The following BRD4 variants were observed in gnomAD, a reference collection of about 807,000 sequenced individuals.
BRD4 encodes the protein bromodomain containing 4.
A neutral mutation model predicts 142.1 loss-of-function variants in BRD4; 16 were observed. The ratio of observed to expected loss-of-function variants is 0.11; its 90% CI spans 0.08 to 0.17. The LOEUF (loss-of-function observed/expected upper bound fraction) is 0.17, where lower values mean the gene tolerates loss of function less well. Among genes scored for constraint, BRD4 ranks in the 10% least tolerant of loss-of-function variants. BRD4 has a pLI of 1.00. For synonymous variants in BRD4, 833 were observed against 707.5 expected (o/e 1.18, Z -2.82); for missense variants, 1,424 against 1,810.9 (o/e 0.79, Z 3.88).
chr19:15,245,617 CCA>C (rs1244676680), intron 11 of BRD4, among the ~76,000 whole-genome samples: 2 of 151,970 alleles, frequency 1.3e-5, no homozygotes, highest in Admixed American at 6.5e-5. Flanking sequence ...TGTCCTCACC[CCA>C]GAGATTTACA....
At chr19:15,331,992 ACCCGCGCCCCG>A (rs1243564225) in intron 1 of BRD4, 2 of 25,722 alleles carry the variant, frequency 7.8e-5, no homozygotes, top group East Asian at 2.3e-3. Context: ...CGCGCCCCCC[ACCCGCGCCCCG>A]CCGGCCAGCC....
At position 15,239,515 on chromosome 19, in the gene BRD4, T is replaced by A; in HGVS notation, c.3453A>T (p.Glu1151Asp). 1 of 1,612,352 alleles carries A rather than the reference T, an allele frequency of 6.2e-7. No individual in the cohort carries two copies. Among genetic ancestry groups the A allele is most frequent in the South Asian group, 1.1e-5 (1 of 91,014 alleles). Residue 1151 changes from glutamate (E) to aspartate (D), a missense_variant, in exon 17 of 20, where the codon GAA (glutamate) becomes GAT (aspartate). Transcript: ENST00000679869. This position sits in a 1 kb window ranked among gnomAD's most constrained non-coding sequence, Gnocchi z 7.4. Reference sequence around the variant, plus strand: ...GCCTCCCGACATCCACAGGCTTCATTTCCGGCCCTGGAACATAAACAGCCG... The same window carrying A: ...GCCTCCCGACATCCACAGGCTTCATATCCGGCCCTGGAACATAAACAGCCG... Reference protein sequence around the residue: ...KAPVHLPQRPEMKPVDVGRPV... With the variant: ...KAPVHLPQRPDMKPVDVGRPV...
intron 1 of BRD4, among the ~76,000 whole-genome samples, chr19:15,326,211 C>T (rs2048107172): frequency 6.7e-6 from 1 of 149,186 alleles, no homozygotes; most frequent in African/African-American, 2.5e-5. Flanking sequence ...AATCCTAATC[C>T]CAGCACTTTG....
chr19:15,242,063 C>T (rs529718671), intron 14 of BRD4, among the ~76,000 whole-genome samples: 1 of 152,294 alleles, frequency 6.6e-6, no homozygotes, highest in East Asian at 1.9e-4. Context: ...ATCCACCTGC[C>T]TTGGCCTCCC....
chr19:15,279,361 A>G (rs925143733), intron 1 of BRD4, among the ~76,000 whole-genome samples: 1 of 152,228 alleles, frequency 6.6e-6, no homozygotes, highest in Non-Finnish European at 1.5e-5. Flanking sequence ...CAAAAAATCC[A>G]AAACCAGCTC....
At position 15,256,149 on chromosome 19, in the gene BRD4, C is replaced by T. The variant is rs2145573151; in HGVS notation, c.1666G>A (p.Glu556Lys). Reference protein sequence around the residue: ...KKKEKHKRKEEVEENKKSKAK... With the variant: ...KKKEKHKRKEKVEENKKSKAK... ...TTGCTTTTTTTATTCTCTTCCACTT[C>T]CTCTTTCCTTTTGTGCTTTTCTTTT... is the stretch of plus-strand genomic sequence containing the variant. Residue 556 changes from glutamate (E) to lysine (K), a missense_variant, in exon 9 of 20, where the codon GAA becomes AAA. This residue lies in a region of BRD4 where 86 missense variants were observed against 78.9 expected (regional missense o/e 1.09). Transcript: ENST00000679869. 5 of 1,612,132 alleles carry T rather than the reference C, an allele frequency of 3.1e-6. No homozygotes were observed. The East Asian group carries it at 1.1e-4, about 36-fold the overall frequency.
In BRD4 at chr19:15,256,097, G is replaced by T. The variant is rs150583855; in HGVS notation, c.1718C>A (p.Thr573Lys). The change falls in exon 9 of 20, where the codon ACG becomes AAG. Residue 573 changes from threonine (T) to lysine (K), a missense_variant. Thr to Lys is a moderately conservative substitution (Grantham distance 78). This residue lies in a region of BRD4 where 86 missense variants were observed against 78.9 expected (regional missense o/e 1.09). Coordinates refer to ENST00000679869, the MANE Select transcript of BRD4 (RefSeq NM_001379291.1). ...GCTGTTGCTGCTATTATTTTTCTTC[G>T]TCTTTTTAGGAGGAGGTTCCTTGGC... is the stretch of plus-strand genomic sequence containing the variant. Reference protein sequence around the residue: ...SKAKEPPPKKTKKNNSSNSNV... With the variant: ...SKAKEPPPKKKKKNNSSNSNV... 6.2e-7 allele frequency: 1 copy of T among 1,611,626 alleles called. No individual in the cohort carries two copies. The highest frequency in any genetic ancestry group is 1.1e-5 in the South Asian group (1 of 90,906).
intron 1 of BRD4, among the ~76,000 whole-genome samples, chr19:15,290,023 T>C (rs541592075): frequency 3.3e-5 from 5 of 152,302 alleles, no homozygotes; most frequent in Admixed American, 2.6e-4. Context: ...CAAGGCAGGA[T>C]AGACACATTA....
In BRD4 at chr19:15,253,804, G is replaced by A. The variant is rs778946468; in HGVS notation, c.2158+348C>T. 8.8e-6 allele frequency: 14 copies of A among 1,583,502 alleles called. No individual in the cohort carries two copies. In the Admixed American group the frequency reaches 1.8e-4, roughly 21 times the overall value. Reference sequence around the variant, plus strand: ...GAAAGCTGGGTGTGGTCACATCAAGGTCAACAGCACAGCCTGGACCCCCAC... The same window carrying A: ...GAAAGCTGGGTGTGGTCACATCAAGATCAACAGCACAGCCTGGACCCCCAC... On this transcript the variant is annotated intron_variant, in intron 11 of 19. Transcript: ENST00000679869.
chr19:15,246,495 G>C (rs1249214109), intron 11 of BRD4: 1 of 152,658 alleles, frequency 6.6e-6, no homozygotes. Flanking sequence ...TGTGAAGTCC[G>C]ACTAGGAGAA....
intron 2 of BRD4, among the ~76,000 whole-genome samples, chr19:15,270,196 T>A (rs2047572355): frequency 1.3e-5 from 2 of 152,206 alleles, no homozygotes; most frequent in Non-Finnish European, 2.9e-5. Flanking sequence ...AGAGCAGGTA[T>A]ACTAACAGCA....
At chr19:15,266,478 T>C (rs1439349373) in intron 4 of BRD4, among the ~76,000 whole-genome samples, 1 of 152,132 alleles carries the variant, frequency 6.6e-6, no homozygotes, top group African/African-American at 2.4e-5. Flanking sequence ...CAGACTGGAA[T>C]AGGAGATGCC....
intron 1 of BRD4, among the ~76,000 whole-genome samples, chr19:15,323,111 G>A (rs1279978827): frequency 6.9e-6 from 1 of 144,564 alleles, no homozygotes; most frequent in Non-Finnish European, 1.5e-5. Context: ...GGAGGCTGAG[G>A]CAGGAGGATC....
At chr19:15,311,563 G>A (rs998683121) in intron 1 of BRD4, among the ~76,000 whole-genome samples, 2 of 152,010 alleles carry the variant, frequency 1.3e-5, no homozygotes, top group African/African-American at 4.8e-5. Context: ...GGCAGAGGTG[G>A]GTGGATCACC....
chr19:15,322,227 T>C (rs542376692), intron 1 of BRD4, among the ~76,000 whole-genome samples: 4 of 152,178 alleles, frequency 2.6e-5, no homozygotes, highest in Non-Finnish European at 5.9e-5. Flanking sequence ...TATACACCAA[T>C]TGCAATCCAC....
chr19:15,306,572 A>C (rs190415594), intron 1 of BRD4, among the ~76,000 whole-genome samples: 15 of 152,234 alleles, frequency 9.9e-5, no homozygotes, highest in African/African-American at 3.6e-4. Context: ...ACGCCTGGCC[A>C]TTTTTAGCTT....
chr19:15,284,268 C>T (rs985548166), intron 1 of BRD4, among the ~76,000 whole-genome samples: 1 of 152,104 alleles, frequency 6.6e-6, no homozygotes, highest in African/African-American at 2.4e-5. Flanking sequence ...CTATGGGGAT[C>T]AGGAGGAGGA....
intron 1 of BRD4, among the ~76,000 whole-genome samples, chr19:15,292,740 T>C (rs1397869382): frequency 8.3e-6 from 1 of 120,150 alleles, no homozygotes; most frequent in African/African-American, 3.3e-5. Flanking sequence ...ATGGTGCCAC[T>C]GCACTCCAGC....
chr19:15,278,543 C>CAAA (rs1235423521), intron 1 of BRD4, among the ~76,000 whole-genome samples: 43 of 74,836 alleles, frequency 5.7e-4, no homozygotes, highest in Non-Finnish European at 8.2e-4. Flanking sequence ...CAACCCCCGC[C>CAAA]AAAAAAAAAA....
Sources: gnomAD v4.1 joint callset for allele counts (sites outside exome capture counted in the v4.1 genomes callset) on GRCh38, gnomAD v4.1.1 for gene constraint, gnomAD v4.1.1 regional missense constraint, Gnocchi (gnomAD v3.1) non-coding constraint, MANE v1.5 for transcripts, NCBI Gene and HGNC (gene_info 2026-07-23, HGNC 2026-07-21) for gene names.